The following RPTOR variants were observed in gnomAD, a reference collection of about 807,000 sequenced individuals.
RPTOR encodes the protein regulatory-associated protein of mTOR.
Under a neutral mutation model 169.9 loss-of-function variants are expected in RPTOR, and 21 were observed. That is an observed-to-expected ratio of 0.12 (90% CI 0.09 to 0.18). The LOEUF (loss-of-function observed/expected upper bound fraction) is 0.18. Ranked by LOEUF, RPTOR falls within the 10% of genes least tolerant of loss-of-function variation. RPTOR has a pLI of 1.00. For missense variants in RPTOR, 1,133 were observed against 1,855.9 expected (o/e 0.61, Z 7.16); for synonymous variants, 732 against 753.2 (o/e 0.97, Z 0.46).
chr17:80,828,199 G>A (rs993612960), intron 9 of RPTOR, among the ~76,000 whole-genome samples: 2 of 152,198 alleles, frequency 1.3e-5, no homozygotes, highest in African/African-American at 4.8e-5. Context: ...GTCTGAACGA[G>A]TCTGATCAGG....
intron 6 of RPTOR, among the ~76,000 whole-genome samples, chr17:80,787,333 C>T (rs901523186): frequency 9.2e-5 from 14 of 152,198 alleles, no homozygotes; most frequent in East Asian, 1.9e-4. Flanking sequence ...AGAGTACCCC[C>T]GTCTAACTCT....
intron 13 of RPTOR, among the ~76,000 whole-genome samples, chr17:80,875,924 TG>T: frequency 1.1e-5 from 1 of 87,606 alleles, no homozygotes; most frequent in African/African-American, 5.2e-5. Context: ...ACCGAGCCCG[TG>T]CCGCCCAGGA....
intron 12 of RPTOR, among the ~76,000 whole-genome samples, chr17:80,857,262 T>C (rs527516280): frequency 6.6e-6 from 1 of 152,242 alleles, no homozygotes; most frequent in Non-Finnish European, 1.5e-5. Context: ...CGCTCCTCCC[T>C]GCCTTTCCCA....
At chr17:80,940,855 G>A (rs532632401) in intron 25 of RPTOR, among the ~76,000 whole-genome samples, 13 of 152,306 alleles carry the variant, frequency 8.5e-5, no homozygotes, top group South Asian at 4.1e-4. Context: ...CCCAGCCACC[G>A]CCTGGGAAGA....
Position 80,823,860 on chromosome 17 carries a change from G to A in RPTOR, c.1136+637G>A, listed in dbSNP as rs1331686861. Among the ~76,000 whole-genome samples the A allele has an allele frequency of 1.3e-5, 2 of 152,188 alleles. No individual in the cohort carries two copies. The highest frequency in any genetic ancestry group is 2.9e-5 in the Non-Finnish European group (2 of 68,046). ...TGTTCTGTGGCTGTCCTAACAAGCAGGTTTGGGCAAATTCTAAAATGGTAT... is the reference window on the plus strand; with the variant it reads ...TGTTCTGTGGCTGTCCTAACAAGCAAGTTTGGGCAAATTCTAAAATGGTAT... On this transcript the variant is annotated intron_variant, in intron 9 of 33. Transcript: ENST00000306801. The surrounding 1 kb of genome is among the most constrained non-coding windows in gnomAD (Gnocchi z 4.5).
Position 80,692,044 on chromosome 17 carries a change from T to G in RPTOR, c.349-15797T>G, listed in dbSNP as rs145576817. Among the ~76,000 whole-genome samples the G allele has an allele frequency of 6.4e-4, 98 of 152,326 alleles. 1 individual carries two copies. The East Asian group carries it at 0.019, about 29-fold the overall frequency. ...GTTACTGAGAGCCGCTGCCGAGGCA[T>G]AGCCGCTGCTGAGGCACTCGCCCTT... is the stretch of plus-strand genomic sequence containing the variant. On this transcript the variant is annotated intron_variant, in intron 3 of 33. Coordinates refer to ENST00000306801, the MANE Select transcript of RPTOR (RefSeq NM_020761.3).
chr17:80,563,997 G>T (rs1161651320), intron 1 of RPTOR, among the ~76,000 whole-genome samples: 1 of 152,180 alleles, frequency 6.6e-6, no homozygotes, highest in Non-Finnish European at 1.5e-5. Flanking sequence ...ACCTGCTGAT[G>T]GACATTTGGG....
intron 1 of RPTOR, among the ~76,000 whole-genome samples, chr17:80,620,369 T>C (rs1009915046): frequency 6.6e-6 from 1 of 152,230 alleles, no homozygotes; most frequent in Non-Finnish European, 1.5e-5. Flanking sequence ...CTGTAACTGT[T>C]ATTAAAAAAC....
chr17:80,606,102 C>T (rs750260261), intron 1 of RPTOR, among the ~76,000 whole-genome samples: 9 of 152,142 alleles, frequency 5.9e-5, no homozygotes, highest in Non-Finnish European at 7.4e-5. Context: ...AGTTCCGCCT[C>T]CCGGGTTCAC....
In RPTOR at chr17:80,957,586, C is replaced by A; in HGVS notation, c.3371-38C>A. On this transcript the variant is annotated intron_variant, in intron 28 of 33. Coordinates refer to ENST00000306801, the MANE Select transcript of RPTOR (RefSeq NM_020761.3). The surrounding 1 kb of genome is among the most constrained non-coding windows in gnomAD (Gnocchi z 4.6). ...CCCCAAAGCCTGCCCAAGGCAAGGG[C>A]CCATGGGGTGATGCCATGTCCCACT... The A allele has an allele frequency of 6.3e-7, 1 of 1,581,814 alleles. No homozygotes were observed.
intron 5 of RPTOR, among the ~76,000 whole-genome samples, chr17:80,736,121 T>C (rs928321318): frequency 1.3e-5 from 2 of 151,670 alleles, no homozygotes; most frequent in Non-Finnish European, 1.5e-5. Context: ...CAGTGAGCCG[T>C]GATTGTGCCA....
intron 3 of RPTOR, among the ~76,000 whole-genome samples, chr17:80,664,674 G>T (rs2065750312): frequency 6.6e-6 from 1 of 152,196 alleles, no homozygotes; most frequent in Admixed American, 6.5e-5. Flanking sequence ...GTTGGTTAAT[G>T]AAGGGATGTG....
intron 7 of RPTOR, among the ~76,000 whole-genome samples, chr17:80,817,795 G>A (rs1325247009): frequency 6.6e-6 from 1 of 152,178 alleles, no homozygotes; most frequent in African/African-American, 2.4e-5. Flanking sequence ...ACAGCCAGGG[G>A]TGTCAGGGAA....
intron 1 of RPTOR, among the ~76,000 whole-genome samples, chr17:80,595,383 G>T (rs2065137441): frequency 6.6e-6 from 1 of 152,200 alleles, no homozygotes; most frequent in South Asian, 2.1e-4. Context: ...CCATTGTGAG[G>T]ACGTGCCTGT....
At chr17:80,665,364 TTTCC>T in intron 3 of RPTOR, among the ~76,000 whole-genome samples, 2 of 5,300 alleles carry the variant, frequency 3.8e-4, no homozygotes, top group South Asian at 0.011. Flanking sequence ...TTTCCTTTCC[TTTCC>T]TTTCCTTTCC....
At chr17:80,851,375 G>C (rs1205091562) in intron 11 of RPTOR, among the ~76,000 whole-genome samples, 1 of 152,062 alleles carries the variant, frequency 6.6e-6, no homozygotes, top group African/African-American at 2.4e-5. Context: ...TTTAAGTACA[G>C]AAACAACATT....
intron 6 of RPTOR, among the ~76,000 whole-genome samples, chr17:80,767,432 C>T (rs1270688177): frequency 3.3e-5 from 5 of 152,032 alleles, no homozygotes; most frequent in African/African-American, 7.2e-5. Context: ...TCATGAAGGA[C>T]CATATGCCAG....
intron 6 of RPTOR, among the ~76,000 whole-genome samples, chr17:80,761,441 C>T (rs935612450): frequency 2.6e-5 from 4 of 152,134 alleles, no homozygotes; most frequent in African/African-American, 7.2e-5. Flanking sequence ...TATTTGTCAG[C>T]GTGGAAAGTT....
intron 13 of RPTOR, among the ~76,000 whole-genome samples, chr17:80,867,110 A>G (rs532502322): frequency 4.7e-4 from 71 of 152,344 alleles, no homozygotes; most frequent in Middle Eastern, 3.4e-3. Context: ...CAAAAATGCT[A>G]AATAGAATTT....
Sources: gnomAD v4.1 joint callset for allele counts (sites outside exome capture counted in the v4.1 genomes callset) on GRCh38, gnomAD v4.1.1 for gene constraint, Gnocchi (gnomAD v3.1) non-coding constraint, MANE v1.5 for transcripts, NCBI Gene and HGNC (gene_info 2026-07-23, HGNC 2026-07-21) for gene names.